PIK3C2G: variants seen among roughly 807,000 people sequenced by gnomAD.
PIK3C2G encodes phosphatidylinositol-4-phosphate 3-kinase catalytic subunit type 2 gamma.
Under a neutral mutation model 181.1 loss-of-function variants are expected in PIK3C2G, and 168 were observed. The ratio of observed to expected loss-of-function variants is 0.93; its 90% CI spans 0.82 to 1.05. The LOEUF (loss-of-function observed/expected upper bound fraction) is 1.05, where lower values mean the gene tolerates loss of function less well. Ranked by LOEUF, PIK3C2G falls within the 50% of genes least tolerant of loss-of-function variation. The pLI is 0.00. For synonymous variants in PIK3C2G, 573 were observed against 592.2 expected (o/e 0.97, Z 0.47); for missense variants, 1,869 against 1,732.8 (o/e 1.08, Z -1.40).
intron 1 of PIK3C2G, among the ~76,000 whole-genome samples, chr12:18,273,672 TACATGTTAGACCTAAA>T (rs553566768): frequency 1.9e-3 from 290 of 152,242 alleles, no homozygotes; most frequent in African/African-American, 6.7e-3. Context: ...ATTAAAGACT[TACATGTTAGACCTAAA>T]ACCATAAAAA....
At chr12:18,266,085 C>CTA in intron 1 of PIK3C2G, among the ~76,000 whole-genome samples, 2 of 147,924 alleles carry the variant, frequency 1.4e-5, no homozygotes, top group Non-Finnish European at 3.0e-5. Context: ...GTTCTTAATC[C>CTA]TATTAACTGC....
chr12:18,268,871 T>A (rs144797820), intron 1 of PIK3C2G, among the ~76,000 whole-genome samples: 1 of 152,278 alleles, frequency 6.6e-6, no homozygotes, highest in Non-Finnish European at 1.5e-5. Context: ...AAATATATCA[T>A]TCACCATAAC....
At chr12:18,694,988 T>C in the PIK3C2G span, 1 of 1,610,070 alleles carries the variant, frequency 6.2e-7, no homozygotes, top group Non-Finnish European at 8.5e-7. Flanking sequence ...TTAAGAAATG[T>C]GGTTTCAAAA....
In PIK3C2G at chr12:18,491,768, T is replaced by C. The variant is rs1366971811; in HGVS notation, c.2793+210T>C. ...TGGCCTTATCATATGATTTGTTTAT[T>C]TGGAAACAAACTATCCATCAGTTCA... On this transcript the variant is annotated intron_variant, in intron 20 of 32. Transcript: ENST00000538779. 2.0e-5 allele frequency among the ~76,000 whole-genome samples: 3 copies of C among 152,084 alleles called. No homozygotes were observed. In the East Asian group the frequency reaches 5.8e-4, roughly 29 times the overall value.
intron 31 of PIK3C2G, among the ~76,000 whole-genome samples, chr12:18,619,567 AT>A (rs966659657): frequency 3.3e-5 from 5 of 151,436 alleles, no homozygotes; most frequent in Non-Finnish European, 7.4e-5. Flanking sequence ...GTATATTTTC[AT>A]TTTCTTTCAG....
chr12:18,517,368 G>C (rs758845094), intron 24 of PIK3C2G, among the ~76,000 whole-genome samples: 1 of 152,156 alleles, frequency 6.6e-6, no homozygotes, highest in African/African-American at 2.4e-5. Context: ...CCATGAGGAT[G>C]GGATGTTTTT....
chr12:18,599,521 A>G (rs1188372841), intron 30 of PIK3C2G, among the ~76,000 whole-genome samples: 1 of 151,980 alleles, frequency 6.6e-6, no homozygotes, highest in African/African-American at 2.4e-5. Flanking sequence ...GGCGGGAGGG[A>G]TAGCACTGGG....
chr12:18,359,110 G>C (rs1941008419), intron 11 of PIK3C2G: 1 of 152,360 alleles, frequency 6.6e-6, no homozygotes, highest in Non-Finnish European at 1.5e-5. Flanking sequence ...CACTGCACCT[G>C]GGCAAGATGC....
chr12:18,675,131 T>C, the PIK3C2G span, among the ~76,000 whole-genome samples: 6 of 152,164 alleles, frequency 3.9e-5, no homozygotes, highest in African/African-American at 1.4e-4. Context: ...AATTTTAAAT[T>C]GTATTTGATT....
the PIK3C2G span, among the ~76,000 whole-genome samples, chr12:18,661,440 C>A: frequency 6.6e-6 from 1 of 152,010 alleles, no homozygotes; most frequent in African/African-American, 2.4e-5. Context: ...AAGGCCTTTT[C>A]GTAGGATTAT....
intron 16 of PIK3C2G, among the ~76,000 whole-genome samples, chr12:18,409,374 A>G (rs1276340697): frequency 1.3e-5 from 2 of 152,042 alleles, no homozygotes; most frequent in Non-Finnish European, 2.9e-5. Context: ...AGGGAGGGGA[A>G]CATCACACAC....
At chr12:18,315,990 C>T (rs1950844924) in intron 6 of PIK3C2G, among the ~76,000 whole-genome samples, 1 of 151,360 alleles carries the variant, frequency 6.6e-6, no homozygotes, top group East Asian at 1.9e-4. Flanking sequence ...AATAACTAAC[C>T]ATATTATATA....
chr12:18,514,557 A>G (rs1942414503), intron 24 of PIK3C2G, among the ~76,000 whole-genome samples: 1 of 151,852 alleles, frequency 6.6e-6, no homozygotes, highest in African/African-American at 2.4e-5. Context: ...CTCTACTGGC[A>G]TATAGAATTG....
chr12:18,662,822 G>C, the PIK3C2G span, among the ~76,000 whole-genome samples: 1 of 151,768 alleles, frequency 6.6e-6, no homozygotes, highest in African/African-American at 2.4e-5. Context: ...TAATCCCCAT[G>C]GTAACCAAAC....
intron 5 of PIK3C2G, among the ~76,000 whole-genome samples, chr12:18,295,121 TAAA>T (rs1191906499): frequency 6.7e-6 from 1 of 149,954 alleles, no homozygotes; most frequent in Non-Finnish European, 1.5e-5. Context: ...TATTTTATAA[TAAA>T]TAATTATACA....
At chr12:18,716,267 G>T in the PIK3C2G span, among the ~76,000 whole-genome samples, 1 of 151,942 alleles carries the variant, frequency 6.6e-6, no homozygotes, top group Non-Finnish European at 1.5e-5. Context: ...AAACCACCAA[G>T]AACTATATTG....
intron 30 of PIK3C2G, among the ~76,000 whole-genome samples, chr12:18,605,526 A>G (rs985629070): frequency 1.3e-4 from 20 of 152,174 alleles, no homozygotes; most frequent in African/African-American, 3.9e-4. Flanking sequence ...TCCCTAATTC[A>G]TTATATGAAG....
intron 31 of PIK3C2G, among the ~76,000 whole-genome samples, chr12:18,616,078 C>T (rs867635992): frequency 1.3e-5 from 2 of 152,132 alleles, no homozygotes; most frequent in Middle Eastern, 3.4e-3. Context: ...ATGTAATCTT[C>T]TAGGCTTAGG....
chr12:18,395,564 T>C lies in PIK3C2G; in HGVS notation c.2127-4095T>C, dbSNP rs114480144. The stretch of plus-strand genomic sequence containing the variant: ...AATCATACTAGATGGAAACTCAAAT[T>C]GGTAAGAAGAAATGAAAAATACCCC... On this transcript the variant is annotated intron_variant, in intron 15 of 32. Transcript: ENST00000538779. Among the ~76,000 whole-genome samples, 1,090 of 147,988 alleles carry C rather than the reference T, an allele frequency of 7.4e-3. 14 individuals carry two copies. Among genetic ancestry groups the C allele is most frequent in the African/African-American group, 0.026 (1,037 of 40,112 alleles).
Sources: allele counts gnomAD v4.1 joint callset (sites outside exome capture counted in the v4.1 genomes callset), GRCh38; gene constraint gnomAD v4.1.1; transcripts MANE v1.5; gene names NCBI Gene and HGNC (gene_info 2026-07-23, HGNC 2026-07-21).